EML2: variants seen among roughly 807,000 people sequenced by gnomAD.
EML2 encodes the protein EMAP like 2, also known as echinoderm microtubule-associated protein-like 2.
A neutral mutation model predicts 84.7 loss-of-function variants in EML2; 59 were observed. The ratio of observed to expected loss-of-function variants is 0.70; its 90% confidence interval spans 0.56 to 0.86. The LOEUF is 0.86. Among genes scored for constraint, EML2 ranks in the 40% least tolerant of loss-of-function variants. EML2 has a pLI of 0.00. For synonymous variants in EML2, 352 were observed against 348.9 expected, an observed-to-expected ratio of 1.01 and a Z score of -0.10; for missense variants, 818 against 855.6, an observed-to-expected ratio of 0.96 and a Z score of 0.55.
At chr19:45,624,578 T>C in intron 9 of EML2, 141 bp downstream of exon 9, 1 of 645,762 alleles carries the variant, frequency 1.5e-6, no homozygotes, top group East Asian at 2.8e-5. Context: ...TAGGGATACT[T>C]GAGCTGAACC....
chr19:45,633,692 C>A (rs1973354609), intron 4 of EML2, among the ~76,000 whole-genome samples: 1 of 151,920 alleles, frequency 6.6e-6, no homozygotes, highest in Non-Finnish European at 1.5e-5. Flanking sequence ...GAGTCGAGAT[C>A]GTGCCACTGG....
chr19:45,629,290 T>A (rs1972743202), intron 7 of EML2, among the ~76,000 whole-genome samples: 1 of 151,414 alleles, frequency 6.6e-6, no homozygotes, highest in Non-Finnish European at 1.5e-5. Context: ...CCACACCCAG[T>A]TAATTTTTTT....
chr19:45,645,376 A>C (rs1011297387), upstream of EML2: 57 of 1,518,674 alleles, frequency 3.8e-5, no homozygotes, highest in Non-Finnish European at 4.6e-5. Flanking sequence ...CCCCGGTCCC[A>C]GCCCGGGCCC....
intron 17 of EML2, 123 bp from the exon 18 acceptor site, chr19:45,613,794 T>A: frequency 8.2e-7 from 1 of 1,216,324 alleles, no homozygotes; most frequent in Non-Finnish European, 1.1e-6. Context: ...TCCGAGGATA[T>A]GAGTCAGAAT....
At chr19:45,620,714 GAA>G (rs766591894) in intron 11 of EML2, 479 of 106,826 alleles carry the variant, frequency 4.5e-3, no homozygotes, top group South Asian at 0.012. Flanking sequence ...TCTCAAAAAT[GAA>G]AAAAAAAAAA....
At chr19:45,637,948 A>G (rs1351679029) in intron 3 of EML2, among the ~76,000 whole-genome samples, 1 of 151,694 alleles carries the variant, frequency 6.6e-6, no homozygotes, top group Non-Finnish European at 1.5e-5. Flanking sequence ...AAGTGCTCAG[A>G]TTACAGGCAT....
chr19:45,617,248 C>A (rs919527401), intron 13 of EML2, among the ~76,000 whole-genome samples: 4 of 150,924 alleles, frequency 2.7e-5, no homozygotes, highest in African/African-American at 9.7e-5. Flanking sequence ...TCTGTCCCCC[C>A]AAAAAACAAA....
At chr19:45,622,302 C>A (rs964261139) in intron 9 of EML2, among the ~76,000 whole-genome samples, 4 of 152,048 alleles carry the variant, frequency 2.6e-5, no homozygotes, top group African/African-American at 7.2e-5. Context: ...CCATCCATCA[C>A]CCTAGCCATT....
chr19:45,637,470 ATTTTTTTTTT>A (rs66503218), intron 3 of EML2, among the ~76,000 whole-genome samples: 39 of 101,636 alleles, frequency 3.8e-4, no homozygotes, highest in East Asian at 3.2e-3. Context: ...ATTATTTTGG[ATTTTTTTTTT>A]TTTTTTTTTT....
intron 17 of EML2, among the ~76,000 whole-genome samples, 188 bp from the exon 18 acceptor site, chr19:45,613,859 G>C (rs1970747820): frequency 6.6e-6 from 1 of 151,990 alleles, no homozygotes; most frequent in African/African-American, 2.4e-5. Flanking sequence ...CCCTTCCATG[G>C]CTCCCTGGTG....
At chr19:45,627,607 A>G (rs747114351) in intron 7 of EML2, among the ~76,000 whole-genome samples, 5 of 152,088 alleles carry the variant, frequency 3.3e-5, no homozygotes, top group African/African-American at 1.2e-4. Context: ...CAAGCCAGCG[A>G]AGCATTATCA....
chr19:45,612,973 C>T (rs1970650771), intron 18 of EML2, among the ~76,000 whole-genome samples: 1 of 152,152 alleles, frequency 6.6e-6, no homozygotes, highest in South Asian at 2.1e-4. Flanking sequence ...TCATGGCTCA[C>T]TGCAGCCTCA....
At position 45,634,304 on chromosome 19, in the gene EML2, C is replaced by T. The variant is rs377273419; in HGVS notation, c.329+18G>A. On this transcript the variant is annotated intron_variant, in intron 4 of 18. Coordinates refer to ENST00000245925, the MANE Select transcript of EML2 (RefSeq NM_012155.4). ...TCCAGCCACAGCTCCCTCCCGTCCC[C>T]TCTGTCCCACATCTCACCATTTGAT... 5.9e-5 allele frequency: 95 copies of T among 1,612,658 alleles called. No individual in the cohort carries two copies. The highest frequency in any genetic ancestry group is 6.9e-5 in the Non-Finnish European group (81 of 1,179,056).
At position 45,609,759 on chromosome 19, in the gene EML2, G is replaced by T; in HGVS notation, c.1854C>A (p.Ser618Arg). ...AGAAGGCCACATTTGTCACATGGCT[G>T]CTGTGTCCACCGTACTTGTGGCTGA... ...RALSHKYGGH[S>R]SHVTNVAFLW... is the part of the protein sequence containing the mutation. Residue 618 changes from serine (S) to arginine (R), a missense_variant, in exon 19 of 19, where the codon AGC (serine) becomes AGA (arginine). Coordinates refer to ENST00000245925, the MANE Select transcript of EML2 (RefSeq NM_012155.4). 1 of 1,612,812 alleles carries T rather than the reference G, an allele frequency of 6.2e-7. No individual in the cohort carries two copies. The highest frequency in any genetic ancestry group is 8.5e-7 in the Non-Finnish European group (1 of 1,179,534).
rs1019395440 is a variant in EML2, at chr19:45,621,330, G to A, written c.999C>T (p.Val333=). ...TGCGCACAGGGCCAAAGTCCTCAGG[G>A]ACCTGGGTGGACAGATAAGAGGGAA... The part of the protein sequence containing the change: ...SDYSKLQEVE[V]PEDFGPVRTV... The change falls in exon 11 of 19, where the codon GTC becomes GTT. Residue 333 remains valine, a splice_region_variant and synonymous_variant. Transcript: ENST00000245925. 1 of 1,599,820 alleles carries A rather than the reference G, an allele frequency of 6.3e-7. No individual in the cohort carries two copies. Among genetic ancestry groups the A allele is most frequent in the Non-Finnish European group, 8.5e-7 (1 of 1,170,702 alleles).
At chr19:45,626,260 C>G (rs553031918) in intron 8 of EML2, among the ~76,000 whole-genome samples, 1 of 152,164 alleles carries the variant, frequency 6.6e-6, no homozygotes, top group East Asian at 1.9e-4. Context: ...GATCCTCCCC[C>G]CTCAGCCTCC....
At chr19:45,617,780 T>C in intron 12 of EML2, 83 bp from the exon 13 acceptor site, 2 of 1,294,606 alleles carry the variant, frequency 1.5e-6, no homozygotes, top group Non-Finnish European at 2.2e-6. Context: ...GGGCCAAGTC[T>C]AATCTTTGCA....
At chr19:45,642,444 C>T (rs1475705188), upstream of EML2, 5 of 1,467,716 alleles carry the variant, frequency 3.4e-6, no homozygotes, top group Admixed American at 2.3e-5. Flanking sequence ...AGCGGGGGGC[C>T]AGCCACGCCC....
At chr19:45,645,588 A>T, upstream of EML2, 1 of 763,530 alleles carries the variant, frequency 1.3e-6, no homozygotes, top group South Asian at 2.0e-5. Flanking sequence ...CTGCGCCCGG[A>T]TCCCCCTAGG....
Sources: gnomAD v4.1 joint callset for allele counts (sites outside exome capture counted in the v4.1 genomes callset) on GRCh38, gnomAD v4.1.1 for gene constraint, MANE v1.5 for transcripts, NCBI Gene and HGNC (gene_info 2026-07-23, HGNC 2026-07-21) for gene names.